Variants in PSD3 observed in about 807,000 individuals in gnomAD.
PSD3 encodes the protein pleckstrin and Sec7 domain containing 3, also known as PH and SEC7 domain-containing protein 3.
Under a neutral mutation model 105.5 loss-of-function variants are expected in PSD3, and 49 were observed. The observed-to-expected ratio is 0.46, with a 90% CI of 0.37 to 0.59. The LOEUF (loss-of-function observed/expected upper bound fraction) is 0.59, where lower values mean the gene tolerates loss of function less well. PSD3 is among the 20% of genes least tolerant of loss of function. PSD3 has a pLI of 0.00. For missense variants in PSD3, 1,561 were observed against 1,263.8 expected (o/e 1.24, Z -3.57); for synonymous variants, 557 against 457.8 (o/e 1.22, Z -2.77).
intron 4 of PSD3, among the ~76,000 whole-genome samples, chr8:18,859,093 C>T (rs1816238903): frequency 6.6e-6 from 1 of 152,156 alleles, no homozygotes; most frequent in African/African-American, 2.4e-5. Context: ...ACTCCTCGAT[C>T]CATGGTTTGC....
At chr8:18,823,462 C>T (rs1812913844) in intron 4 of PSD3, among the ~76,000 whole-genome samples, 2 of 152,148 alleles carry the variant, frequency 1.3e-5, no homozygotes, top group Admixed American at 6.5e-5. Flanking sequence ...CTCCCCTCCC[C>T]TTTATTCACT....
intron 4 of PSD3, among the ~76,000 whole-genome samples, chr8:18,810,139 C>T (rs1369172287): frequency 2.0e-5 from 3 of 152,204 alleles, no homozygotes; most frequent in African/African-American, 7.2e-5. Flanking sequence ...TCATCACCCC[C>T]AGCCCTACCA....
At chr8:18,808,699 G>A (rs1308709697) in intron 4 of PSD3, 9 of 1,609,522 alleles carry the variant, frequency 5.6e-6, no homozygotes, top group Middle Eastern at 1.6e-4. Flanking sequence ...AACAAGAACC[G>A]GAATTGCTCC....
At chr8:19,010,255 A>T (rs1338558039) in intron 1 of PSD3, among the ~76,000 whole-genome samples, 1 of 152,130 alleles carries the variant, frequency 6.6e-6, no homozygotes, top group Admixed American at 6.5e-5. Flanking sequence ...GGTGTCACCA[A>T]GAGAGAAAAT....
chr8:18,848,923 C>G (rs542431330), intron 4 of PSD3, among the ~76,000 whole-genome samples: 80 of 152,312 alleles, frequency 5.3e-4, no homozygotes, highest in Non-Finnish European at 1.1e-3. Context: ...AAATGCTCAG[C>G]TATGCAATTT....
chr8:18,544,494 C>T (rs892864116), intron 15 of PSD3, among the ~76,000 whole-genome samples: 1 of 151,872 alleles, frequency 6.6e-6, no homozygotes, highest in Non-Finnish European at 1.5e-5. Flanking sequence ...AACCTACTGC[C>T]TAAATATAGC....
At chr8:18,861,598 G>A (rs1210297571) in intron 4 of PSD3, among the ~76,000 whole-genome samples, 1 of 152,134 alleles carries the variant, frequency 6.6e-6, no homozygotes, top group Non-Finnish European at 1.5e-5. Flanking sequence ...GCTCCAGCCA[G>A]TCACCCATGC....
chr8:18,731,834 G>C (rs57781499), intron 9 of PSD3, among the ~76,000 whole-genome samples: 1 of 152,024 alleles, frequency 6.6e-6, no homozygotes, highest in African/African-American at 2.4e-5. Context: ...ACTCTCCTTG[G>C]AGTGTCTGGG....
chr8:19,027,805 A>T (rs928348283), intron 1 of PSD3, among the ~76,000 whole-genome samples: 1 of 152,196 alleles, frequency 6.6e-6, no homozygotes, highest in Admixed American at 6.5e-5. Flanking sequence ...ACAGTGTTCC[A>T]TTGTATGGAT....
chr8:18,924,370 T>C (rs1821229827), intron 2 of PSD3, among the ~76,000 whole-genome samples: 1 of 152,158 alleles, frequency 6.6e-6, no homozygotes, highest in Admixed American at 6.5e-5. Flanking sequence ...ATTTTTCTGC[T>C]TTCCATAATG....
At chr8:19,036,135 A>C (rs1358783198) in intron 1 of PSD3, among the ~76,000 whole-genome samples, 1 of 152,166 alleles carries the variant, frequency 6.6e-6, no homozygotes, top group Non-Finnish European at 1.5e-5. Context: ...TACAGAAAGG[A>C]GGACGGAGAT....
chr8:18,772,102 G>C (rs2129444422), intron 8 of PSD3, among the ~76,000 whole-genome samples: 1 of 152,250 alleles, frequency 6.6e-6, no homozygotes, highest in East Asian at 1.9e-4. Flanking sequence ...TTTATGTAGA[G>C]ACAACATTTT....
intron 8 of PSD3, among the ~76,000 whole-genome samples, chr8:18,770,627 C>A (rs550178435): frequency 6.6e-6 from 1 of 152,234 alleles, no homozygotes; most frequent in Non-Finnish European, 1.5e-5. Context: ...CGGGCACCAG[C>A]AGGAGTGAAC....
intron 4 of PSD3, among the ~76,000 whole-genome samples, chr8:18,833,440 A>G (rs1056927367): frequency 2.0e-5 from 3 of 152,232 alleles, no homozygotes; most frequent in African/African-American, 4.8e-5. Flanking sequence ...AAATAATCAG[A>G]TAACTAAATA....
At chr8:18,915,268 T>C (rs1424707345) in intron 2 of PSD3, among the ~76,000 whole-genome samples, 1 of 152,174 alleles carries the variant, frequency 6.6e-6, no homozygotes, top group East Asian at 1.9e-4. Context: ...AAAAGGCTTC[T>C]TGACACTCGT....
chr8:18,833,140 TC>T (rs1311130928), intron 4 of PSD3, among the ~76,000 whole-genome samples: 3 of 152,204 alleles, frequency 2.0e-5, no homozygotes, highest in Non-Finnish European at 4.4e-5. Context: ...TCTAAGGACA[TC>T]AGCCTTCCTG....
At chr8:18,821,718 C>CACACA (rs1554513426) in intron 4 of PSD3, among the ~76,000 whole-genome samples, 5 of 64,476 alleles carry the variant, frequency 7.8e-5, no homozygotes, top group South Asian at 3.8e-4. Context: ...CACACACACA[C>CACACA]CCCAATAACA....
At chr8:18,635,921 T>C (rs1807214795) in intron 10 of PSD3, among the ~76,000 whole-genome samples, 1 of 151,840 alleles carries the variant, frequency 6.6e-6, no homozygotes, top group Non-Finnish European at 1.5e-5. Context: ...AGGAGAGCAT[T>C]AGGAAAAACA....
Position 18,990,769 on chromosome 8 carries a change from C to G in PSD3, c.21+22794G>C, listed in dbSNP as rs184041205. 6.6e-5 allele frequency among the ~76,000 whole-genome samples: 10 copies of G among 152,300 alleles called. No homozygotes were observed. In the East Asian group the frequency reaches 1.7e-3, roughly 26 times the overall value. ...GCCTATGAATACCTTCTCCAGAGGC[C>G]TGTCCTCCACCTACCTTTCCATGAT... On this transcript the variant is annotated intron_variant, in intron 1 of 15. Coordinates refer to ENST00000327040, the MANE Select transcript of PSD3 (RefSeq NM_015310.4).
Sources: gnomAD v4.1 joint callset for allele counts (sites outside exome capture counted in the v4.1 genomes callset) on GRCh38, gnomAD v4.1.1 for gene constraint, MANE v1.5 for transcripts, NCBI Gene and HGNC (gene_info 2026-07-23, HGNC 2026-07-21) for gene names.